Variants in CIT observed in about 807,000 individuals in gnomAD.
CIT encodes the protein citron rho-interacting serine/threonine kinase.
A neutral mutation model predicts 272.7 loss-of-function variants in CIT; 79 were observed. That is an observed-to-expected ratio of 0.29 (90% CI 0.24 to 0.35). The LOEUF is 0.35. Ranked by LOEUF, CIT falls within the 10% of genes least tolerant of loss-of-function variation. The pLI, the probability that CIT is intolerant of heterozygous loss-of-function variation, is 1.00. For missense variants in CIT, 1,909 were observed against 2,618.3 expected, an observed-to-expected ratio of 0.73 and a Z score of 5.91; for synonymous variants, 948 against 995.6, an observed-to-expected ratio of 0.95 and a Z score of 0.90.
intron 24 of CIT, among the ~76,000 whole-genome samples, chr12:119,740,935 TC>T (rs1298924013): frequency 3.3e-5 from 5 of 152,054 alleles, no homozygotes; most frequent in Non-Finnish European, 7.4e-5. Context: ...AACTGGTCTG[TC>T]AGTTCCCTAC....
At chr12:119,799,874 G>C (rs1413431585) in intron 10 of CIT, among the ~76,000 whole-genome samples, 2 of 146,290 alleles carry the variant, frequency 1.4e-5, no homozygotes, top group African/African-American at 5.1e-5. Context: ...GCTATCATTA[G>C]TGTATTTTAT....
At chr12:119,724,889 T>G (rs1958000454) in intron 28 of CIT, among the ~76,000 whole-genome samples, 1 of 117,804 alleles carries the variant, frequency 8.5e-6, no homozygotes, top group East Asian at 2.9e-4. Context: ...TGAGCCGAGA[T>G]CACTGCACTC....
At chr12:119,719,059 G>T (rs919648974) in intron 30 of CIT, 198 bp from the exon 31 acceptor site, 7 of 566,618 alleles carry the variant, frequency 1.2e-5, no homozygotes, top group African/African-American at 1.1e-4. Context: ...AAAAAAATAG[G>T]GGTGCGGAAG....
intron 3 of CIT, among the ~76,000 whole-genome samples, chr12:119,863,176 T>C (rs1311112961): frequency 8.4e-6 from 1 of 118,760 alleles, no homozygotes; most frequent in Non-Finnish European, 1.6e-5. Context: ...CACTCCAACC[T>C]GGGCAACAGA....
chr12:119,716,365 C>T (rs906797974), intron 32 of CIT, among the ~76,000 whole-genome samples: 6 of 104,342 alleles, frequency 5.8e-5, no homozygotes, highest in African/African-American at 1.2e-4. Context: ...GGCGACAGAG[C>T]GAGACTCTGT....
chr12:119,816,640 C>T (rs79838371), intron 9 of CIT, among the ~76,000 whole-genome samples: 2,749 of 152,284 alleles, frequency 0.018, 80 homozygotes, highest in African/African-American at 0.062. Flanking sequence ...CCGATGCTGC[C>T]GGTCCACGGA....
chr12:119,816,785 T>C (rs1388823213), intron 9 of CIT, among the ~76,000 whole-genome samples: 1 of 152,226 alleles, frequency 6.6e-6, no homozygotes. Flanking sequence ...CCAATTCTTC[T>C]AAATCAATGG....
chr12:119,711,177 G>A, intron 37 of CIT: 1 of 1,111,148 alleles, frequency 9.0e-7, no homozygotes, highest in Non-Finnish European at 1.3e-6. Flanking sequence ...TCTAACCACT[G>A]AGTAAAGCCC....
chr12:119,714,414 G>A, intron 32 of CIT, 80 bp from the exon 33 acceptor site: 7 of 1,470,422 alleles, frequency 4.8e-6, no homozygotes, highest in Admixed American at 2.0e-5. Context: ...CCCACAGAAA[G>A]GGAAAAAATA....
intron 28 of CIT, among the ~76,000 whole-genome samples, chr12:119,722,705 G>A (rs1247456286): frequency 6.6e-6 from 1 of 152,048 alleles, no homozygotes; most frequent in African/African-American, 2.4e-5. Flanking sequence ...TCTGAAAGTG[G>A]GTATACTAGC....
chr12:119,797,441 A>T (rs1965825316), intron 10 of CIT, among the ~76,000 whole-genome samples: 1 of 152,240 alleles, frequency 6.6e-6, no homozygotes, highest in Non-Finnish European at 1.5e-5. Context: ...AGAGGAGAGG[A>T]GAAAATCCAA....
Position 119,694,343 on chromosome 12 carries a change from T to C in CIT, c.5882+3316A>G, listed in dbSNP as rs554014367. Among the ~76,000 whole-genome samples the C allele has an allele frequency of 2.0e-5, 3 of 152,306 alleles. No individual in the cohort carries two copies. The highest frequency in any genetic ancestry group is 3.9e-4 in the East Asian group (2 of 5,188). ...AGATTGGAGACAACTCGAACAGCCATTAATGAAGAAGCAGTTAAACCAATT... is the reference window on the plus strand; with the variant it reads ...AGATTGGAGACAACTCGAACAGCCACTAATGAAGAAGCAGTTAAACCAATT... On this transcript the variant is annotated intron_variant, in intron 46 of 47. Transcript: ENST00000392521. The surrounding 1 kb of genome is among the most constrained non-coding windows in gnomAD (Gnocchi z 4.5).
intron 9 of CIT, among the ~76,000 whole-genome samples, chr12:119,819,099 C>A (rs557932143): frequency 6.6e-6 from 1 of 152,306 alleles, no homozygotes; most frequent in Admixed American, 6.5e-5. Flanking sequence ...ACAACCAGGG[C>A]AGCTGGTACG....
chr12:119,701,371 GAA>G (rs550669483), intron 43 of CIT, among the ~76,000 whole-genome samples: 1 of 152,144 alleles, frequency 6.6e-6, no homozygotes, highest in South Asian at 2.1e-4. Flanking sequence ...GAAAGGGAGA[GAA>G]AGAAAGGCAA....
At chr12:119,733,392 G>A (rs552759137) in intron 26 of CIT, among the ~76,000 whole-genome samples, 1 of 151,622 alleles carries the variant, frequency 6.6e-6, no homozygotes, top group Non-Finnish European at 1.5e-5. Flanking sequence ...AAATTAGCCG[G>A]GCATAGTGGT....
chr12:119,860,205 C>T (rs895450199), intron 3 of CIT, among the ~76,000 whole-genome samples: 1 of 152,054 alleles, frequency 6.6e-6, no homozygotes, highest in Non-Finnish European at 1.5e-5. Flanking sequence ...TAATGAGTGC[C>T]GCGGTATTGA....
At chr12:119,856,068 T>TA (rs1370128140) in intron 4 of CIT, among the ~76,000 whole-genome samples, 2 of 152,196 alleles carry the variant, frequency 1.3e-5, no homozygotes, top group Non-Finnish European at 2.9e-5. Context: ...GCTCACATTT[T>TA]ATTGCTAAAC....
At chr12:119,826,408 T>C (rs564846452) in intron 7 of CIT, among the ~76,000 whole-genome samples, 2 of 152,298 alleles carry the variant, frequency 1.3e-5, no homozygotes, top group South Asian at 4.1e-4. Flanking sequence ...GACTGTCCTT[T>C]TTTTCTGAGA....
rs1233131107 is a variant in CIT at position 119,697,068 on chromosome 12, G to A, written c.5882+591C>T. Among the ~76,000 whole-genome samples the A allele has an allele frequency of 1.3e-5, 2 of 152,132 alleles. No individual in the cohort carries two copies. Among genetic ancestry groups the A allele is most frequent in the African/African-American group, 2.4e-5 (1 of 41,422 alleles). On this transcript the variant is annotated intron_variant, in intron 46 of 47. Transcript: ENST00000392521. This position sits in a 1 kb window ranked among gnomAD's most constrained non-coding sequence, Gnocchi z 4.9. ...GGCACGAGGCTGGCCAGGAGTCCCT[G>A]ACCTGCTCTCACGACCTCACATCTC...
Sources: allele counts gnomAD v4.1 joint callset (sites outside exome capture counted in the v4.1 genomes callset), GRCh38; gene constraint gnomAD v4.1.1; non-coding constraint Gnocchi (gnomAD v3.1); transcripts MANE v1.5; gene names NCBI Gene and HGNC (gene_info 2026-07-23, HGNC 2026-07-21).